ZBTB18: variants seen among roughly 807,000 people sequenced by gnomAD.
The protein encoded by ZBTB18 is zinc finger and BTB domain-containing protein 18.
In ZBTB18, 2 loss-of-function variants were observed where a neutral mutation model predicts 37.7. That is an observed-to-expected ratio of 0.05 (90% confidence interval 0.02 to 0.17). The LOEUF is 0.17. Ranked by LOEUF, ZBTB18 falls within the 10% of genes least tolerant of loss-of-function variation. ZBTB18 has a pLI of 1.00. For synonymous variants in ZBTB18, 304 were observed against 276.5 expected (o/e 1.10, Z -0.99); for missense variants, 408 against 686.3 (o/e 0.59, Z 4.53).
chr1:244,048,970 C>T (rs867341232), upstream of ZBTB18: 6 of 157,320 alleles, frequency 3.8e-5, no homozygotes, highest in East Asian at 1.9e-4. Flanking sequence ...GCGGCGGGGA[C>T]GCGGTGACTT....
In ZBTB18 at chr1:244,051,418, A is replaced by G; in HGVS notation, c.-14A>G. 1 of 1,614,144 alleles carries G rather than the reference A, an allele frequency of 6.2e-7. No homozygotes were observed. Among genetic ancestry groups the G allele is most frequent in the Non-Finnish European group, 8.5e-7 (1 of 1,180,006 alleles). ...GAGCCAGCAGGACTCAGAGGAAAGG[A>G]CTTAATCAGGTTTATGTGTCCTAAA... On this transcript the variant is annotated 5_prime_UTR_variant, in exon 1 of 2. Coordinates refer to ENST00000358704, the MANE Select transcript of ZBTB18 (RefSeq NM_205768.3).
chr1:244,048,655 C>A (rs1572526295), upstream of ZBTB18, among the ~76,000 whole-genome samples: 1 of 148,158 alleles, frequency 6.7e-6, no homozygotes, highest in Non-Finnish European at 1.5e-5. Context: ...GCCCCCCCAC[C>A]CGGCCCGGCG....
rs1416110620 is a variant in ZBTB18 at position 244,053,447 on chromosome 1, TG to T, written c.14-340del. On this transcript the variant is annotated intron_variant, in intron 1 of 1. Coordinates refer to ENST00000358704, the MANE Select transcript of ZBTB18 (RefSeq NM_205768.3). The surrounding 1 kb of genome is among the most constrained non-coding windows in gnomAD (Gnocchi z 5.2). ...TTTGTAGGTTTTGTGGGACATAATT[TG>T]ATAAGTAGAGTTAATTAAATTTCTT... 6.6e-6 allele frequency among the ~76,000 whole-genome samples: 1 copy of T among 152,240 alleles called. No individual in the cohort carries two copies. Among genetic ancestry groups the T allele is most frequent in the African/African-American group, 2.4e-5 (1 of 41,452 alleles).
chr1:244,056,276 A>C lies in ZBTB18; in HGVS notation c.*906A>C, dbSNP rs1468228340. 6.0e-6 allele frequency: 1 copy of C among 167,128 alleles called. No homozygotes were observed. Among genetic ancestry groups the C allele is most frequent in the East Asian group, 1.9e-4 (1 of 5,204 alleles). The allele number at this position is 167,128 out of a possible 1,614,324, so 10.4% of individuals were successfully genotyped here. ...TAGAAAAATAACACCATTTGGAAAAAAAAACTGGTGTTATGAAGAACGTAA... is the reference window on the plus strand; with the variant it reads ...TAGAAAAATAACACCATTTGGAAAACAAAACTGGTGTTATGAAGAACGTAA... On this transcript the variant is annotated 3_prime_UTR_variant, in exon 2 of 2. Coordinates refer to ENST00000358704, the MANE Select transcript of ZBTB18 (RefSeq NM_205768.3).
At position 244,053,758 on chromosome 1, in the gene ZBTB18, G is replaced by A. The variant is rs550024110; in HGVS notation, c.14-30G>A. 1.9e-6 allele frequency: 3 copies of A among 1,576,838 alleles called. No individual in the cohort carries two copies. The highest frequency in any genetic ancestry group is 2.3e-5 in the East Asian group (1 of 44,378). ...AGCGCTGAAAAGTTGTTCCTGACCA[G>A]GCTCTAATGAGAAATTCCTCTCTCC... On this transcript the variant is annotated intron_variant, in intron 1 of 1. Coordinates refer to ENST00000358704, the MANE Select transcript of ZBTB18 (RefSeq NM_205768.3). The surrounding 1 kb of genome is among the most constrained non-coding windows in gnomAD (Gnocchi z 5.2).
chr1:244,055,307 A>G lies in ZBTB18; in HGVS notation c.1533A>G (p.Ala511=). ...LVNSLSVKSE[A]LSLPTVRDWT... Reference sequence around the variant, plus strand: ...ACTCCTTGTCGGTCAAAAGCGAAGCACTGAGCTTGCCTACTGTCAGAGACT... The same window carrying G: ...ACTCCTTGTCGGTCAAAAGCGAAGCGCTGAGCTTGCCTACTGTCAGAGACT... Residue 511 remains alanine (A), a synonymous_variant, in exon 2 of 2, where the codon GCA becomes GCG. Coordinates refer to ENST00000358704, the MANE Select transcript of ZBTB18 (RefSeq NM_205768.3). The surrounding 1 kb of genome is among the most constrained non-coding windows in gnomAD (Gnocchi z 7.0). 1 of 1,613,396 alleles carries G rather than the reference A, an allele frequency of 6.2e-7. No individual in the cohort carries two copies. Among genetic ancestry groups the G allele is most frequent in the Non-Finnish European group, 8.5e-7 (1 of 1,179,744 alleles).
At chr1:244,049,398 G>C (rs1572527099), upstream of ZBTB18, among the ~76,000 whole-genome samples, 1 of 149,626 alleles carries the variant, frequency 6.7e-6, no homozygotes, top group Admixed American at 6.6e-5. Flanking sequence ...CAGCTGCAGT[G>C]GCGCCCGGGA....
rs190859936 is a variant in ZBTB18 at position 244,052,446 on chromosome 1, G to T, written c.13+1002G>T. ...AGTTTTAGTCTGTCTTGGGCAAAGT[G>T]TAGAAGAACAAGAAGAAAGGAAGTA... On this transcript the variant is annotated intron_variant, in intron 1 of 1. Coordinates refer to ENST00000358704, the MANE Select transcript of ZBTB18 (RefSeq NM_205768.3). Among the ~76,000 whole-genome samples, 392 of 152,332 alleles carry T rather than the reference G, an allele frequency of 2.6e-3. 3 individuals carry two copies. The highest frequency in any genetic ancestry group is 0.01 in the Middle Eastern group (3 of 294).
At chr1:244,052,574 T>G (rs900190414) in intron 1 of ZBTB18, among the ~76,000 whole-genome samples, 3 of 152,222 alleles carry the variant, frequency 2.0e-5, no homozygotes, top group Non-Finnish European at 4.4e-5. Context: ...AAGTCGGGTC[T>G]TCTTTATTTT....
chr1:244,053,313 C>G lies in ZBTB18; in HGVS notation c.14-475C>G, dbSNP rs78679671. On this transcript the variant is annotated intron_variant, in intron 1 of 1. Coordinates refer to ENST00000358704, the MANE Select transcript of ZBTB18 (RefSeq NM_205768.3). This position sits in a 1 kb window ranked among gnomAD's most constrained non-coding sequence, Gnocchi z 5.2. ...GTGCTTTCTAAGCACAGTCAGGTAG[C>G]AAAAGTAATAAAAAGGATGGTTGAA... is the stretch of plus-strand genomic sequence containing the variant. Among the ~76,000 whole-genome samples, 1,970 of 152,100 alleles carry G rather than the reference C, an allele frequency of 0.013. 51 individuals carry two copies. Among genetic ancestry groups the G allele is most frequent in the African/African-American group, 0.044 (1,816 of 41,488 alleles).
At position 244,055,313 on chromosome 1, in the gene ZBTB18, C is replaced by T. The variant is rs1558150034; in HGVS notation, c.1539C>T (p.Ser513=). ...TGTCGGTCAAAAGCGAAGCACTGAGCTTGCCTACTGTCAGAGACTGGACCT... is the reference window on the plus strand; with the variant it reads ...TGTCGGTCAAAAGCGAAGCACTGAGTTTGCCTACTGTCAGAGACTGGACCT... ...NSLSVKSEAL[S]LPTVRDWTLE... Residue 513 remains serine, a synonymous_variant, in exon 2 of 2, where the codon AGC becomes AGT. Transcript: ENST00000358704. This position sits in a 1 kb window ranked among gnomAD's most constrained non-coding sequence, Gnocchi z 7.0. 4 of 1,612,724 alleles carry T rather than the reference C, an allele frequency of 2.5e-6. No individual in the cohort carries two copies. The highest frequency in any genetic ancestry group is 3.4e-6 in the Non-Finnish European group (4 of 1,179,484).
rs147690899 is a variant in ZBTB18 at position 244,055,040 on chromosome 1, G to A, written c.1266G>A (p.Ser422=). 14 of 1,614,060 alleles carry A rather than the reference G, an allele frequency of 8.7e-6. No homozygotes were observed. The highest frequency in any genetic ancestry group is 4.0e-5 in the African/African-American group (3 of 74,932). ...CCGATGTCAACGTGCCCACGTGCTC[G>A]CTGTGTGGGAAGACTTTCTCTTGCA... ...PAADVNVPTC[S]LCGKTFSCMY... Residue 422 remains serine, a synonymous_variant, in exon 2 of 2, where the codon TCG becomes TCA. Transcript: ENST00000358704. The surrounding 1 kb of genome is among the most constrained non-coding windows in gnomAD (Gnocchi z 7.0).
At chr1:244,048,701 T>G (rs1698285505), upstream of ZBTB18, among the ~76,000 whole-genome samples, 3 of 134,488 alleles carry the variant, frequency 2.2e-5, no homozygotes, top group South Asian at 5.4e-4. Context: ...TCCCTCGCTG[T>G]GTCTGGCAGG....
rs377085162 is a variant in ZBTB18 at position 244,054,965 on chromosome 1, C to T, written c.1191C>T (p.His397=). 3.7e-5 allele frequency: 59 copies of T among 1,614,112 alleles called. No homozygotes were observed. The highest frequency in any genetic ancestry group is 1.1e-4 in the South Asian group (10 of 91,072). Residue 397 remains histidine (H), a synonymous_variant, in exon 2 of 2, where the codon CAC becomes CAT. Transcript: ENST00000358704. This position sits in a 1 kb window ranked among gnomAD's most constrained non-coding sequence, Gnocchi z 9.0. ...VFPSPHILQI[H]LSTHFREQDG... ...CCAGCCCCCACATCCTGCAGATCCA[C>T]CTGAGCACGCACTTCCGCGAGCAGG...
Position 244,053,683 on chromosome 1 carries a change from C to A in ZBTB18, c.14-105C>A. 1 of 1,484,474 alleles carries A rather than the reference C, an allele frequency of 6.7e-7. No homozygotes were observed. The highest frequency in any genetic ancestry group is 9.0e-7 in the Non-Finnish European group (1 of 1,112,084). 92.0% of individuals were successfully genotyped at this position (1,484,474 alleles called of 1,614,324 possible). A position where few individuals can be genotyped will look rare whatever the true frequency, so the allele number is the denominator to read the frequency against. On this transcript the variant is annotated intron_variant, in intron 1 of 1. Coordinates refer to ENST00000358704, the MANE Select transcript of ZBTB18 (RefSeq NM_205768.3). The surrounding 1 kb of genome is among the most constrained non-coding windows in gnomAD (Gnocchi z 5.2). ...CATAAGCCTGATTAAAATTCAGGGA[C>A]ATGTACCACGGCGGCCAAAGCGGAA... is the stretch of plus-strand genomic sequence containing the variant.
rs199884785 is a variant in ZBTB18 at position 244,056,587 on chromosome 1, TTC to T, written c.*1223_*1224del. 5.7e-3 allele frequency: 931 copies of T among 162,382 alleles called. 3 individuals are homozygous for T. The highest frequency in any genetic ancestry group is 0.029 in the South Asian group (139 of 4,776). The allele number at this position is 162,382 out of a possible 1,614,324, so 10.1% of individuals were successfully genotyped here. A position where few individuals can be genotyped will look rare whatever the true frequency, so the allele number is the denominator to read the frequency against. ...TACTGCACAAGTTGACAATAGGTCG[TTC>T]TCTCTTTTTTTTTGTTTGCTCCCTT... On this transcript the variant is annotated 3_prime_UTR_variant, in exon 2 of 2. Transcript: ENST00000358704.
At position 244,053,735 on chromosome 1, in the gene ZBTB18, C is replaced by T. The variant is rs557278224; in HGVS notation, c.14-53C>T. 5.0e-5 allele frequency: 77 copies of T among 1,550,824 alleles called. 1 individual carries two copies. In the Admixed American group the frequency reaches 6.1e-4, roughly 12 times the overall value. On this transcript the variant is annotated intron_variant, in intron 1 of 1. Transcript: ENST00000358704. The surrounding 1 kb of genome is among the most constrained non-coding windows in gnomAD (Gnocchi z 5.2). ...TAATTTTTTTATATGGGGACTGGAG[C>T]GCTGAAAAGTTGTTCCTGACCAGGC...
intron 1 of ZBTB18, 63 bp downstream of exon 1, chr1:244,051,507 TA>T: frequency 6.3e-7 from 1 of 1,591,564 alleles, no homozygotes; most frequent in East Asian, 2.2e-5. Flanking sequence ...TATTTAATTT[TA>T]AAAATCACAT....
upstream of ZBTB18, among the ~76,000 whole-genome samples, chr1:244,050,463 A>G (rs767158412): frequency 4.5e-5 from 6 of 133,268 alleles, no homozygotes; most frequent in African/African-American, 8.4e-5. Context: ...AAAGATTGTT[A>G]AGGGACACAG....
Sources: gnomAD v4.1 joint callset for allele counts (sites outside exome capture counted in the v4.1 genomes callset) on GRCh38, gnomAD v4.1.1 for gene constraint, Gnocchi (gnomAD v3.1) non-coding constraint, MANE v1.5 for transcripts, NCBI Gene and HGNC (gene_info 2026-07-23, HGNC 2026-07-21) for gene names.